The following PRSS23 variants were observed in gnomAD, a reference collection of about 807,000 sequenced individuals.
The protein encoded by PRSS23 is serine protease 23.
A neutral mutation model predicts 34.7 loss-of-function variants in PRSS23; 25 were observed. The ratio of observed to expected loss-of-function variants is 0.72; its 90% CI spans 0.53 to 1.01. The LOEUF is 1.01. Among genes scored for constraint, PRSS23 ranks in the 50% least tolerant of loss-of-function variants. The pLI, the probability that PRSS23 is intolerant of heterozygous loss-of-function variation, is 0.00. For missense variants in PRSS23, 445 were observed against 475.6 expected (o/e 0.94, Z 0.60); for synonymous variants, 176 against 186.6 (o/e 0.94, Z 0.46).
intron 2 of PRSS23, chr11:86,837,536 A>C (rs1948416100): frequency 6.6e-6 from 1 of 152,232 alleles, no homozygotes; most frequent in African/African-American, 2.4e-5. Flanking sequence ...TGGGAGGCTG[A>C]GGTGGGTGGA....
At chr11:86,851,092 A>G (rs1948525348) in intron 2 of PRSS23, among the ~76,000 whole-genome samples, 1 of 152,230 alleles carries the variant, frequency 6.6e-6, no homozygotes, top group East Asian at 1.9e-4. Flanking sequence ...GATAAGTAGA[A>G]AGGGTGGCAT....
chr11:86,879,515 A>C (rs866390865), intron 2 of PRSS23, among the ~76,000 whole-genome samples: 4 of 70,120 alleles, frequency 5.7e-5, no homozygotes, highest in East Asian at 5.4e-4. Flanking sequence ...TCAGCCCCCC[A>C]CCCGGCCAGC....
intron 1 of PRSS23, among the ~76,000 whole-genome samples, chr11:86,819,349 T>A (rs1948236784): frequency 6.6e-6 from 1 of 152,130 alleles, no homozygotes. Context: ...ATTCAAAACT[T>A]TTTTCAATAA....
intron 1 of PRSS23, among the ~76,000 whole-genome samples, chr11:86,804,291 T>TA (rs1948074503): frequency 6.6e-6 from 1 of 152,234 alleles, no homozygotes; most frequent in Non-Finnish European, 1.5e-5. Context: ...TATCTAAGCC[T>TA]AATCAGTTTG....
rs546580139 is a variant in PRSS23, at chr11:86,859,896, C to T, written c.206+36303C>T. On this transcript the variant is annotated intron_variant, in intron 2 of 2. Coordinates refer to the PRSS23 transcript ENST00000533902. ...CCATGGGGGAGAGGATGATATTACT[C>T]CAAATATTGCAGGGGTTATACACAC... 8.1e-4 allele frequency among the ~76,000 whole-genome samples: 123 copies of T among 151,912 alleles called. 1 individual carries two copies. The highest frequency in any genetic ancestry group is 1.3e-3 in the Non-Finnish European group (91 of 67,926).
chr11:86,833,222 T>G (rs2511881), intron 2 of PRSS23: 1 of 1,485,442 alleles, frequency 6.7e-7, no homozygotes, highest in East Asian at 2.3e-5. Context: ...ACAATCATCT[T>G]GGGGACCGTG....
At chr11:86,888,918 C>T (rs756575472) in intron 2 of PRSS23, among the ~76,000 whole-genome samples, 3 of 152,144 alleles carry the variant, frequency 2.0e-5, no homozygotes, top group African/African-American at 7.2e-5. Flanking sequence ...AACTTGCTGC[C>T]GGGGTGAAGT....
At chr11:86,819,652 C>T (rs1368799013) in intron 1 of PRSS23, among the ~76,000 whole-genome samples, 1 of 152,156 alleles carries the variant, frequency 6.6e-6, no homozygotes, top group Non-Finnish European at 1.5e-5. Flanking sequence ...AAGGCATACA[C>T]TGTGTATAGA....
intron 2 of PRSS23, among the ~76,000 whole-genome samples, chr11:86,908,459 G>A (rs1287573922): frequency 1.3e-5 from 2 of 152,180 alleles, no homozygotes; most frequent in Non-Finnish European, 2.9e-5. Flanking sequence ...CCTACAGATT[G>A]ATCCCAGGGA....
chr11:86,813,433 G>A (rs1332010976), downstream of PRSS23, among the ~76,000 whole-genome samples: 2 of 152,156 alleles, frequency 1.3e-5, no homozygotes, highest in Non-Finnish European at 2.9e-5. Context: ...ATTCCAGCCA[G>A]CTCATATAGA....
At chr11:86,918,453 T>C (rs1361710715) in intron 2 of PRSS23, among the ~76,000 whole-genome samples, 4 of 152,238 alleles carry the variant, frequency 2.6e-5, no homozygotes, top group African/African-American at 9.6e-5. Flanking sequence ...CCACATCTGC[T>C]TCAGATCTTT....
At chr11:86,906,599 C>G (rs187836521) in intron 2 of PRSS23, among the ~76,000 whole-genome samples, 89 of 152,276 alleles carry the variant, frequency 5.8e-4, no homozygotes, top group African/African-American at 2.1e-3. Context: ...TGCTGAACTA[C>G]CAGTTTCCTC....
At chr11:86,928,703 A>T (rs1335170216) in intron 2 of PRSS23, among the ~76,000 whole-genome samples, 14,983 of 48,742 alleles carry the variant, frequency 0.31, 3,345 homozygotes, top group Non-Finnish European at 0.4. Flanking sequence ...AAAAAAAAAA[A>T]AAATTGGCAA....
chr11:86,853,446 G>C (rs547840236), intron 2 of PRSS23, among the ~76,000 whole-genome samples: 88 of 151,128 alleles, frequency 5.8e-4, no homozygotes, highest in Non-Finnish European at 1.1e-3. Flanking sequence ...GTAGAGACAG[G>C]GTTTCACCGT....
At chr11:86,818,139 G>A (rs953128334) in intron 1 of PRSS23, among the ~76,000 whole-genome samples, 2 of 152,174 alleles carry the variant, frequency 1.3e-5, no homozygotes, top group Non-Finnish European at 2.9e-5. Context: ...TACCTGCAGA[G>A]AAGATACACC....
At chr11:86,823,526 G>C (rs1743999955) in exon 2 of PRSS23, 2 of 702,546 alleles carry the variant, frequency 2.8e-6, no homozygotes, top group Middle Eastern at 2.3e-4. Context: ...GACCTGGCTA[G>C]AAGCAGAGAC....
At chr11:86,936,638 TC>T (rs1327178152) in intron 2 of PRSS23, 1 of 152,082 alleles carries the variant, frequency 6.6e-6, no homozygotes, top group Non-Finnish European at 1.5e-5. Flanking sequence ...GTGTGATGGT[TC>T]ATACCTGTAA....
intron 2 of PRSS23, among the ~76,000 whole-genome samples, chr11:86,840,681 TTATTC>T (rs1245403303): frequency 6.6e-6 from 1 of 152,170 alleles, no homozygotes; most frequent in Non-Finnish European, 1.5e-5. Context: ...CACATCACAC[TTATTC>T]TAAAATTGAC....
chr11:86,841,360 A>C (rs1329004709), intron 2 of PRSS23, among the ~76,000 whole-genome samples: 2 of 112,046 alleles, frequency 1.8e-5, no homozygotes, highest in Non-Finnish European at 3.7e-5. Flanking sequence ...AAAGAAGAAG[A>C]AAAAAAAAAA....
Sources: gnomAD v4.1 joint callset for allele counts (sites outside exome capture counted in the v4.1 genomes callset) on GRCh38, gnomAD v4.1.1 for gene constraint, MANE v1.5 for transcripts, NCBI Gene and HGNC (gene_info 2026-07-23, HGNC 2026-07-21) for gene names.